The following PAX5 variants were observed in gnomAD, a reference collection of about 807,000 sequenced individuals.
PAX5 encodes the protein paired box 5.
PAX5 carries 9 observed loss-of-function variants against 43.7 expected under a neutral mutation model. That is an observed-to-expected ratio of 0.21 (90% CI 0.12 to 0.36). PAX5 has a LOEUF of 0.36. Ranked by LOEUF, PAX5 falls within the 10% of genes least tolerant of loss-of-function variation. The probability of loss-of-function intolerance (pLI) is 1.00; values close to 1 mark genes in which losing one functional copy is unlikely to be tolerated. For synonymous variants in PAX5, 228 were observed against 214.3 expected (o/e 1.06, Z -0.56); for missense variants, 383 against 532.7 (o/e 0.72, Z 2.77).
intron 6 of PAX5, among the ~76,000 whole-genome samples, chr9:36,947,525 T>C (rs372053976): frequency 6.6e-5 from 10 of 152,220 alleles, no homozygotes; most frequent in East Asian, 3.9e-4. Flanking sequence ...GCCTCCCGAG[T>C]AGCTATCACG....
chr9:37,020,516 C>T (rs1186070502), intron 2 of PAX5, 120 bp downstream of exon 2: 11 of 1,034,524 alleles, frequency 1.1e-5, no homozygotes, highest in African/African-American at 3.2e-5. Context: ...AAGTGCTCTG[C>T]GTGTGAAACA....
At chr9:36,864,087 C>T (rs1824545949) in intron 8 of PAX5, among the ~76,000 whole-genome samples, 1 of 152,348 alleles carries the variant, frequency 6.6e-6, no homozygotes, top group African/African-American at 2.4e-5. Context: ...CCAGCCTGGG[C>T]ATCAGAGCGA....
chr9:36,993,402 A>G (rs1837096148), intron 5 of PAX5, among the ~76,000 whole-genome samples: 1 of 152,232 alleles, frequency 6.6e-6, no homozygotes, highest in Admixed American at 6.5e-5. Context: ...GGGACCCAGG[A>G]CCAAACATTT....
At position 36,981,441 on chromosome 9, in the gene PAX5, AAAAAAAC is replaced by A. The variant is rs765078834; in HGVS notation, c.605-14724_605-14718del. Among the ~76,000 whole-genome samples, 374 of 150,752 alleles carry A rather than the reference AAAAAAAC, an allele frequency of 2.5e-3. 13 individuals are homozygous for A. Among genetic ancestry groups the A allele is most frequent in the Middle Eastern group, 6.9e-3 (2 of 290 alleles). On this transcript the variant is annotated intron_variant, in intron 5 of 9. Coordinates refer to ENST00000358127, the MANE Select transcript of PAX5 (RefSeq NM_016734.3). The stretch of plus-strand genomic sequence containing the variant: ...GAATTTCACTGAAACTGGCAAAAAA[AAAAAAAC>A]AAAAAACAGGTACAAAGGAGAAGGG...
At chr9:36,970,603 G>A (rs1834851789) in intron 5 of PAX5, among the ~76,000 whole-genome samples, 1 of 152,186 alleles carries the variant, frequency 6.6e-6, no homozygotes, top group Non-Finnish European at 1.5e-5. Context: ...GTAGAAACTA[G>A]GGGCCAGGGG....
At chr9:36,925,951 C>A (rs112759578) in intron 6 of PAX5, among the ~76,000 whole-genome samples, 1,575 of 152,294 alleles carry the variant, frequency 0.01, 21 homozygotes, top group African/African-American at 0.037. Flanking sequence ...AGAACAATAA[C>A]AACCACAGTC....
chr9:36,894,951 C>T (rs12551316), intron 7 of PAX5, among the ~76,000 whole-genome samples: 9,067 of 152,336 alleles, frequency 0.06, 318 homozygotes, highest in Middle Eastern at 0.099. Flanking sequence ...CAGGTGACCC[C>T]GCCTTCCTTT....
At position 36,843,650 on chromosome 9, in the gene PAX5, T is replaced by G. The variant is rs144203005; in HGVS notation, c.1100-3014A>C. Among the ~76,000 whole-genome samples, 618 of 152,382 alleles carry G rather than the reference T, an allele frequency of 4.1e-3. 6 individuals carry two copies. The highest frequency in any genetic ancestry group is 0.014 in the African/African-American group (576 of 41,596). On this transcript the variant is annotated intron_variant, in intron 9 of 9. Coordinates refer to ENST00000358127, the MANE Select transcript of PAX5 (RefSeq NM_016734.3). ...AGAGATTCTGCAGTAGGAGGCCTGC[T>G]TCTTTGAGCCAGAAGTCAGAACTCA...
At chr9:36,961,271 G>A (rs1349192476) in intron 6 of PAX5, among the ~76,000 whole-genome samples, 1 of 152,238 alleles carries the variant, frequency 6.6e-6, no homozygotes, top group Non-Finnish European at 1.5e-5. Flanking sequence ...AGCAGCTGAT[G>A]AGAGCAGGAG....
intron 7 of PAX5, among the ~76,000 whole-genome samples, chr9:36,892,052 T>G (rs1038811616): frequency 6.6e-6 from 1 of 152,188 alleles, no homozygotes; most frequent in South Asian, 2.1e-4. Flanking sequence ...TATATTTCCA[T>G]GCACATGTAT....
At chr9:37,008,885 C>T (rs1393844608) in intron 3 of PAX5, among the ~76,000 whole-genome samples, 1 of 152,110 alleles carries the variant, frequency 6.6e-6, no homozygotes, top group Non-Finnish European at 1.5e-5. Context: ...GAGTGAGGTT[C>T]TCTTTTTGGT....
At chr9:36,924,315 A>C (rs1830412168) in intron 6 of PAX5, among the ~76,000 whole-genome samples, 1 of 152,238 alleles carries the variant, frequency 6.6e-6, no homozygotes, top group Non-Finnish European at 1.5e-5. Flanking sequence ...TCTCCAGAGA[A>C]GGCAGCAAAG....
At chr9:36,905,826 A>G (rs1828774609) in intron 7 of PAX5, among the ~76,000 whole-genome samples, 1 of 152,196 alleles carries the variant, frequency 6.6e-6, no homozygotes, top group Non-Finnish European at 1.5e-5. Context: ...CTTTGGGAGA[A>G]CTTGAGTTCT....
At chr9:36,963,265 C>T (rs1231116297) in intron 6 of PAX5, among the ~76,000 whole-genome samples, 3 of 152,138 alleles carry the variant, frequency 2.0e-5, no homozygotes, top group Non-Finnish European at 2.9e-5. Flanking sequence ...TGCAGACGTG[C>T]CTGCTCATTC....
chr9:36,955,949 T>C (rs1193057925), intron 6 of PAX5, among the ~76,000 whole-genome samples: 1 of 152,072 alleles, frequency 6.6e-6, no homozygotes, highest in East Asian at 1.9e-4. Flanking sequence ...ACAATAAATG[T>C]TTATTTTTAT....
intron 5 of PAX5, among the ~76,000 whole-genome samples, chr9:36,968,680 C>T (rs1411237851): frequency 6.6e-6 from 1 of 152,204 alleles, no homozygotes; most frequent in African/African-American, 2.4e-5. Context: ...TAGGCCCCTC[C>T]TCTGGCAGCC....
chr9:36,974,841 C>T (rs542901212), intron 5 of PAX5, among the ~76,000 whole-genome samples: 3 of 152,272 alleles, frequency 2.0e-5, no homozygotes, highest in East Asian at 1.9e-4. Context: ...GAGGCCTCGA[C>T]GACCTGCCCC....
chr9:36,977,327 G>GA (rs199891843), intron 5 of PAX5, among the ~76,000 whole-genome samples: 1 of 146,978 alleles, frequency 6.8e-6, no homozygotes, highest in African/African-American at 2.5e-5. Context: ...GGGGAGGGAA[G>GA]AAAAAAAAGA....
intron 6 of PAX5, among the ~76,000 whole-genome samples, chr9:36,964,813 TG>T (rs2132182369): frequency 1.3e-5 from 2 of 152,220 alleles, no homozygotes; most frequent in East Asian, 3.9e-4. Context: ...CTAGAGTGTG[TG>T]GGGGCGGCTA....
Sources: allele counts gnomAD v4.1 joint callset (sites outside exome capture counted in the v4.1 genomes callset), GRCh38; gene constraint gnomAD v4.1.1; transcripts MANE v1.5; gene names NCBI Gene and HGNC (gene_info 2026-07-23, HGNC 2026-07-21).